Variants in NRXN2 observed in about 807,000 individuals in gnomAD.
The protein encoded by NRXN2 is neurexin 2.
Under a neutral mutation model 128.8 loss-of-function variants are expected in NRXN2, and 29 were observed. That is an observed-to-expected ratio of 0.23 (90% CI 0.17 to 0.31). NRXN2 has a LOEUF of 0.31. NRXN2 is among the 10% of genes least tolerant of loss of function. NRXN2 has a pLI of 1.00. For synonymous variants in NRXN2, 1,098 were observed against 1,075.2 expected, an observed-to-expected ratio of 1.02 and a Z score of -0.41; for missense variants, 1,881 against 2,452.6, an observed-to-expected ratio of 0.77 and a Z score of 4.92.
intron 6 of NRXN2, among the ~76,000 whole-genome samples, chr11:64,684,726 AG>A (rs2052775926): frequency 6.6e-6 from 1 of 152,182 alleles, no homozygotes; most frequent in Non-Finnish European, 1.5e-5. Context: ...CGCTAGAACC[AG>A]GAAGTTCAGA....
At chr11:64,608,141 G>T in intron 22 of NRXN2, 59 bp from the exon 23 acceptor site, 2 of 1,296,132 alleles carry the variant, frequency 1.5e-6, no homozygotes, top group South Asian at 1.2e-5. Flanking sequence ...GGCGCAGGCG[G>T]CCGGCACAGA....
At chr11:64,716,492 A>C (rs1364148255) in intron 1 of NRXN2, among the ~76,000 whole-genome samples, 2 of 152,092 alleles carry the variant, frequency 1.3e-5, no homozygotes, top group Non-Finnish European at 2.9e-5. Flanking sequence ...GTGGAGGGGC[A>C]GGGGGGCGAA....
At chr11:64,615,082 C>G (rs2135288830) in intron 22 of NRXN2, among the ~76,000 whole-genome samples, 1 of 152,366 alleles carries the variant, frequency 6.6e-6, no homozygotes. Flanking sequence ...TCACAGCCTT[C>G]CTTAAAGCTA....
chr11:64,636,613 A>C (rs1159263395), intron 17 of NRXN2, among the ~76,000 whole-genome samples: 1 of 152,092 alleles, frequency 6.6e-6, no homozygotes, highest in Non-Finnish European at 1.5e-5. Flanking sequence ...TCTTGTGAGG[A>C]GAGGGGTTCA....
At chr11:64,721,459 G>T (rs1407109979) in intron 1 of NRXN2, among the ~76,000 whole-genome samples, 2 of 151,972 alleles carry the variant, frequency 1.3e-5, no homozygotes, top group Non-Finnish European at 2.9e-5. Context: ...TAGCATGAAT[G>T]AAGAGCCCCC....
chr11:64,609,404 G>A (rs993809737), intron 22 of NRXN2, among the ~76,000 whole-genome samples: 4 of 152,194 alleles, frequency 2.6e-5, no homozygotes, highest in Non-Finnish European at 4.4e-5. Flanking sequence ...AGCCATCTGG[G>A]AGGGAAGCAC....
At position 64,622,609 on chromosome 11, in the gene NRXN2, G is replaced by A; in HGVS notation, c.4173+144C>T. 1.6e-6 allele frequency: 2 copies of A among 1,227,592 alleles called. No homozygotes were observed. Among genetic ancestry groups the A allele is most frequent in the Non-Finnish European group, 2.3e-6 (2 of 882,272 alleles). The allele number at this position is 1,227,592 out of a possible 1,614,324, so 76.0% of individuals were successfully genotyped here. The stretch of plus-strand genomic sequence containing the variant: ...AAAGGTGACCTTGCCCATCGCCATG[G>A]CAACAAAGTCAGCGACAGCAGCCTT... On this transcript the variant is annotated intron_variant, in intron 21 of 22. Coordinates refer to ENST00000265459, the MANE Select transcript of NRXN2 (RefSeq NM_015080.4). The surrounding 1 kb of genome is among the most constrained non-coding windows in gnomAD (Gnocchi z 4.3).
At position 64,713,175 on chromosome 11, in the gene NRXN2, G is replaced by A. The variant is rs778167888; in HGVS notation, c.525C>T (p.Phe175=). ...TLSTVKYEPP[F]RGLLANLKLG... is the part of the protein sequence containing the mutation. ...GCTTCAGGTTGGCCAAGAGGCCGCG[G>A]AAGGGCGGCTCGTACTTGACGGTGC... Residue 175 remains phenylalanine (F), a synonymous_variant, in exon 2 of 23, where the codon TTC becomes TTT. Coordinates refer to ENST00000265459, the MANE Select transcript of NRXN2 (RefSeq NM_015080.4). 2.7e-6 allele frequency: 4 copies of A among 1,463,466 alleles called. No homozygotes were observed. The highest frequency in any genetic ancestry group is 6.1e-5 in the East Asian group (2 of 33,006). 90.7% of individuals were successfully genotyped at this position (1,463,466 alleles called of 1,614,324 possible).
rs2049995712 is a variant in NRXN2 at position 64,667,194 on chromosome 11, A to T, written c.1798+56T>A. 1.6e-5 allele frequency: 25 copies of T among 1,564,324 alleles called. No individual in the cohort carries two copies. The highest frequency in any genetic ancestry group is 2.2e-5 in the Non-Finnish European group (25 of 1,136,328). ...GCTGAAGAGAGACGGAGAGGATGTC[A>T]GGGCAGATGGAAAGGGGTGGCCCAT... On this transcript the variant is annotated intron_variant, in intron 9 of 22. Coordinates refer to ENST00000265459, the MANE Select transcript of NRXN2 (RefSeq NM_015080.4). The surrounding 1 kb of genome is among the most constrained non-coding windows in gnomAD (Gnocchi z 5.6).
chr11:64,606,488 C>T lies in NRXN2; in HGVS notation c.*708G>A, dbSNP rs1020879632. 7.4e-6 allele frequency: 1 copy of T among 134,948 alleles called. No homozygotes were observed. Among genetic ancestry groups the T allele is most frequent in the South Asian group, 2.7e-4 (1 of 3,742 alleles). 8.4% of individuals were successfully genotyped at this position (134,948 alleles called of 1,614,324 possible). A position where few individuals can be genotyped will look rare whatever the true frequency, so the allele number is the denominator to read the frequency against. ...CTCCAGCAGCTTCCCCATCAATGCA[C>T]GTCGCCCGGCGGCACACACAGAACA... On this transcript the variant is annotated 3_prime_UTR_variant, in exon 23 of 23. Transcript: ENST00000265459.
chr11:64,610,265 G>A (rs2040410573), intron 22 of NRXN2, among the ~76,000 whole-genome samples: 1 of 152,184 alleles, frequency 6.6e-6, no homozygotes, highest in South Asian at 2.1e-4. Context: ...CTCAGTCACA[G>A]TGAAAAACTT....
In NRXN2 at chr11:64,651,778, G is replaced by T; in HGVS notation, c.2537-142C>A. On this transcript the variant is annotated intron_variant, in intron 13 of 22. Coordinates refer to ENST00000265459, the MANE Select transcript of NRXN2 (RefSeq NM_015080.4). The surrounding 1 kb of genome is among the most constrained non-coding windows in gnomAD (Gnocchi z 5.9). ...GTCCTCGGCTAGGCACTAGCAGCCA[G>T]CACAGCTCCAAGAGGAGTGGCAGGA... The T allele has an allele frequency of 1.9e-6, 2 of 1,037,280 alleles. No homozygotes were observed. Among genetic ancestry groups the T allele is most frequent in the Non-Finnish European group, 2.8e-6 (2 of 702,380 alleles). The allele number at this position is 1,037,280 out of a possible 1,614,324, so 64.3% of individuals were successfully genotyped here.
At chr11:64,619,788 G>T (rs1206648943) in intron 22 of NRXN2, among the ~76,000 whole-genome samples, 1 of 152,088 alleles carries the variant, frequency 6.6e-6, no homozygotes. Flanking sequence ...GTCCACTCTG[G>T]GAACACTTCA....
rs574483639 is a variant in NRXN2, at chr11:64,712,608, C to A, written c.730+362G>T. ...CTTTAATGGGCCCTGTCCACGCAGA[C>A]CCCCACCCACAAGCCTTCACGAACG... On this transcript the variant is annotated intron_variant, in intron 2 of 22. Coordinates refer to ENST00000265459, the MANE Select transcript of NRXN2 (RefSeq NM_015080.4). 136 of 447,714 alleles carry A rather than the reference C, an allele frequency of 3.0e-4. 1 individual carries two copies. Among genetic ancestry groups the A allele is most frequent in the Non-Finnish European group, 4.4e-4 (94 of 216,062 alleles). 27.7% of individuals were successfully genotyped at this position (447,714 alleles called of 1,614,324 possible).
intron 11 of NRXN2, among the ~76,000 whole-genome samples, chr11:64,655,657 G>A (rs1175610867): frequency 1.3e-5 from 2 of 152,166 alleles, no homozygotes; most frequent in Admixed American, 1.3e-4. Flanking sequence ...ACCAGGAATG[G>A]GGGGTCCATC....
At chr11:64,616,445 G>A (rs2041539469) in intron 22 of NRXN2, among the ~76,000 whole-genome samples, 1 of 152,152 alleles carries the variant, frequency 6.6e-6, no homozygotes, top group Non-Finnish European at 1.5e-5. Flanking sequence ...AAACACATGT[G>A]AGCATCTGCC....
In NRXN2 at chr11:64,611,592, G is replaced by A. The variant is rs527573817; in HGVS notation, c.4253-3510C>T. 3.3e-5 allele frequency among the ~76,000 whole-genome samples: 5 copies of A among 152,328 alleles called. No homozygotes were observed. The South Asian group carries it at 1.0e-3, about 32-fold the overall frequency. ...TCCCCAGCCAGGCTAGGGCATGGGGGCTTCAGGCCTTGGACCACAAACAAG... is the reference window on the plus strand; with the variant it reads ...TCCCCAGCCAGGCTAGGGCATGGGGACTTCAGGCCTTGGACCACAAACAAG... On this transcript the variant is annotated intron_variant, in intron 22 of 22. Transcript: ENST00000265459.
intron 19 of NRXN2, among the ~76,000 whole-genome samples, chr11:64,629,488 G>A (rs565771955): frequency 6.6e-6 from 1 of 152,080 alleles, no homozygotes; most frequent in Admixed American, 6.5e-5. Flanking sequence ...TCTTTCCATT[G>A]CTTCCCCTCT....
chr11:64,690,455 T>A lies in NRXN2; in HGVS notation c.800A>T (p.Glu267Val). 1 of 1,612,758 alleles carries A rather than the reference T, an allele frequency of 6.2e-7. No individual in the cohort carries two copies. Among genetic ancestry groups the A allele is most frequent in the South Asian group, 1.1e-5 (1 of 90,872 alleles). Residue 267 changes from glutamate to valine, a missense_variant, in exon 5 of 23, where the codon GAG becomes GTG. By Grantham distance (121) the Glu-to-Val change is moderately radical. Coordinates refer to ENST00000265459, the MANE Select transcript of NRXN2 (RefSeq NM_015080.4). The part of the protein sequence containing the change: ...NSEVGSLLFS[E>V]GGAGRGGAGD... ...GGCTCCTCCTCTCCCGGCCCCCCCC[T>A]CGGAGAACAGTAAGGACCCTACTGG...
Sources: gnomAD v4.1 joint callset for allele counts (sites outside exome capture counted in the v4.1 genomes callset) on GRCh38, gnomAD v4.1.1 for gene constraint, Gnocchi (gnomAD v3.1) non-coding constraint, MANE v1.5 for transcripts, NCBI Gene and HGNC (gene_info 2026-07-23, HGNC 2026-07-21) for gene names.